Variants in SGIP1 observed in about 807,000 individuals in gnomAD.
SGIP1 encodes the protein SH3-containing GRB2-like protein 3-interacting protein 1.
Under a neutral mutation model 107.5 loss-of-function variants are expected in SGIP1, and 38 were observed. The ratio of observed to expected loss-of-function variants is 0.35; its 90% CI spans 0.27 to 0.46. The LOEUF is 0.46. SGIP1 is among the 20% of genes least tolerant of loss of function. The probability of loss-of-function intolerance (pLI) is 1.00; values close to 1 mark genes in which losing one functional copy is unlikely to be tolerated. For missense variants in SGIP1, 929 were observed against 1,019.5 expected, an observed-to-expected ratio of 0.91 and a Z score of 1.21; for synonymous variants, 365 against 366.1, an observed-to-expected ratio of 1.00 and a Z score of 0.03.
At chr1:66,596,269 G>A (rs372126340) in intron 1 of SGIP1, among the ~76,000 whole-genome samples, 1 of 151,326 alleles carries the variant, frequency 6.6e-6, no homozygotes, top group African/African-American at 2.4e-5. Context: ...TATAAAGAGG[G>A]CAGAAAAGAA....
intron 1 of SGIP1, among the ~76,000 whole-genome samples, chr1:66,614,350 A>C (rs184258256): frequency 6.6e-6 from 1 of 152,336 alleles, no homozygotes; most frequent in African/African-American, 2.4e-5. Context: ...GAATTTCATG[A>C]CAGTGAATTT....
chr1:66,684,000 A>G, intron 15 of SGIP1: 1 of 1,472,952 alleles, frequency 6.8e-7, no homozygotes, highest in Non-Finnish European at 9.0e-7. Flanking sequence ...TATAGGCTTG[A>G]GCTACCGCGC....
chr1:66,651,945 T>C (rs1339442839), intron 7 of SGIP1, among the ~76,000 whole-genome samples: 1 of 152,174 alleles, frequency 6.6e-6, no homozygotes, highest in East Asian at 1.9e-4. Context: ...ATTATAATAA[T>C]GCTATGTTTT....
chr1:66,638,825 G>A (rs1419551287), intron 4 of SGIP1, among the ~76,000 whole-genome samples: 1 of 152,104 alleles, frequency 6.6e-6, no homozygotes, highest in Non-Finnish European at 1.5e-5. Context: ...AAAATTAGAG[G>A]TCCTGTGTCC....
At chr1:66,643,468 A>AT (rs2077131434) in intron 6 of SGIP1, 76 bp from the exon 7 acceptor site, 1 of 1,229,528 alleles carries the variant, frequency 8.1e-7, no homozygotes, top group Non-Finnish European at 1.2e-6. Context: ...TGCTGTCTCT[A>AT]TATGCAATTG....
intron 21 of SGIP1, among the ~76,000 whole-genome samples, chr1:66,738,914 G>C (rs1383541820): frequency 6.6e-6 from 1 of 152,030 alleles, no homozygotes; most frequent in Non-Finnish European, 1.5e-5. Context: ...CAACCCTATG[G>C]GTAAATATTA....
At chr1:66,577,801 T>C (rs1557948152) in intron 1 of SGIP1, among the ~76,000 whole-genome samples, 2 of 141,368 alleles carry the variant, frequency 1.4e-5, no homozygotes, top group African/African-American at 5.4e-5. Context: ...TGTGTGTGTG[T>C]TGCATACCCA....
chr1:66,551,761 T>G (rs2057444114), intron 1 of SGIP1, among the ~76,000 whole-genome samples: 1 of 152,130 alleles, frequency 6.6e-6, no homozygotes, highest in African/African-American at 2.4e-5. Flanking sequence ...CATCATAAAT[T>G]CTTTAGTCAG....
chr1:66,647,471 A>T (rs1431862372), intron 7 of SGIP1, among the ~76,000 whole-genome samples: 2 of 152,160 alleles, frequency 1.3e-5, no homozygotes, highest in Non-Finnish European at 2.9e-5. Flanking sequence ...GGGTTTTATT[A>T]CTAAAAGACA....
chr1:66,570,692 G>A (rs116409474), intron 1 of SGIP1, among the ~76,000 whole-genome samples: 184 of 151,972 alleles, frequency 1.2e-3, no homozygotes, highest in African/African-American at 4.0e-3. Flanking sequence ...TTAGTATTGA[G>A]CAAAACATAT....
rs1460499020 is a variant in SGIP1, at chr1:66,747,858, C to T, written c.*4763C>T. The T allele has an allele frequency of 6.6e-6, 1 of 151,962 alleles. No homozygotes were observed. The highest frequency in any genetic ancestry group is 1.5e-5 in the Non-Finnish European group (1 of 67,876). 9.4% of individuals were successfully genotyped at this position (151,962 alleles called of 1,614,324 possible). ...AAATCCCATTCAGTCTAAATGTACTCATTTTGCCACATGGTTTTCTGATCA... is the reference window on the plus strand; with the variant it reads ...AAATCCCATTCAGTCTAAATGTACTTATTTTGCCACATGGTTTTCTGATCA... On this transcript the variant is annotated 3_prime_UTR_variant, in exon 25 of 25. Coordinates refer to ENST00000371037, the MANE Select transcript of SGIP1 (RefSeq NM_032291.4).
chr1:66,607,100 A>G (rs1315744635), intron 1 of SGIP1, among the ~76,000 whole-genome samples: 1 of 152,236 alleles, frequency 6.6e-6, no homozygotes, highest in East Asian at 1.9e-4. Context: ...GAATTTTACT[A>G]CATTTGATTC....
intron 19 of SGIP1, among the ~76,000 whole-genome samples, chr1:66,720,330 G>A (rs891983247): frequency 1.3e-5 from 2 of 152,094 alleles, no homozygotes; most frequent in African/African-American, 4.8e-5. Context: ...ATAATTCCAG[G>A]CCTGAATTTG....
intron 18 of SGIP1, among the ~76,000 whole-genome samples, chr1:66,705,368 T>C (rs1366226301): frequency 6.6e-6 from 1 of 152,190 alleles, no homozygotes; most frequent in Non-Finnish European, 1.5e-5. Context: ...ATTCAGAGAA[T>C]TGAAATATGC....
chr1:66,606,834 T>A (rs548135283), intron 1 of SGIP1, among the ~76,000 whole-genome samples: 3 of 152,336 alleles, frequency 2.0e-5, no homozygotes, highest in African/African-American at 7.2e-5. Context: ...TTAGGCAGCC[T>A]GTAAACTCCC....
rs765355319 is a variant in SGIP1, at chr1:66,743,396, G to T, written c.*301G>T. 4 of 254,236 alleles carry T rather than the reference G, an allele frequency of 1.6e-5. No homozygotes were observed. Among genetic ancestry groups the T allele is most frequent in the Non-Finnish European group, 3.0e-5 (4 of 131,390 alleles). 15.7% of individuals were successfully genotyped at this position (254,236 alleles called of 1,614,324 possible). ...TGAGTTTTAGCATTTTACCATTCCT[G>T]AAATGGATGTAATTTAAACTGTGGT... On this transcript the variant is annotated 3_prime_UTR_variant, in exon 25 of 25. Transcript: ENST00000371037.
intron 7 of SGIP1, among the ~76,000 whole-genome samples, chr1:66,652,386 G>A (rs2078926811): frequency 6.6e-6 from 1 of 152,196 alleles, no homozygotes; most frequent in Non-Finnish European, 1.5e-5. Context: ...TGAGAGAAAT[G>A]ATGTGAGAGC....
At chr1:66,704,661 TTA>T (rs949149710) in intron 18 of SGIP1, 1 of 152,208 alleles carries the variant, frequency 6.6e-6, no homozygotes, top group Non-Finnish European at 1.5e-5. Context: ...TTTGTTTCTA[TTA>T]TGTCTTTTGA....
At position 66,749,447 on chromosome 1, in the gene SGIP1, T is replaced by TTC. The variant is rs2094596125; in HGVS notation, c.*6353_*6354insCT. Among the ~76,000 whole-genome samples the TTC allele has an allele frequency of 6.6e-6, 1 of 151,686 alleles. No individual in the cohort carries two copies. Among genetic ancestry groups the TTC allele is most frequent in the Non-Finnish European group, 1.5e-5 (1 of 67,860 alleles). Reference sequence around the variant, plus strand: ...TTTAATGAGCATTTCATAGGGTTTTTTTTTTGCTGTTTTTTTTTCTTTTTT... The same window carrying TTC: ...TTTAATGAGCATTTCATAGGGTTTTTTCTTTTTGCTGTTTTTTTTTCTTTTTT... On this transcript the variant is annotated 3_prime_UTR_variant, in exon 25 of 25. Transcript: ENST00000371037.
Sources: allele counts gnomAD v4.1 joint callset (sites outside exome capture counted in the v4.1 genomes callset), GRCh38; gene constraint gnomAD v4.1.1; transcripts MANE v1.5; gene names NCBI Gene and HGNC (gene_info 2026-07-23, HGNC 2026-07-21).